Variants in ZFHX3 observed in about 807,000 individuals in gnomAD.
ZFHX3 encodes zinc finger homeobox 3.
In ZFHX3, 42 loss-of-function variants were observed where a neutral mutation model predicts 279.1. The observed-to-expected ratio is 0.15, with a 90% confidence interval of 0.12 to 0.19. ZFHX3 has a LOEUF of 0.19. Ranked by LOEUF, ZFHX3 falls within the 10% of genes least tolerant of loss-of-function variation. The pLI, the probability that ZFHX3 is intolerant of heterozygous loss-of-function variation, is 1.00. For missense variants in ZFHX3, 4,981 were observed against 4,754.0 expected (o/e 1.05, Z -1.40); for synonymous variants, 2,293 against 1,957.8 (o/e 1.17, Z -4.52).
At position 72,795,395 on chromosome 16, in the gene ZFHX3, T is replaced by A; in HGVS notation, c.7287A>T (p.Lys2429Asn). 1 of 1,614,162 alleles carries A rather than the reference T, an allele frequency of 6.2e-7. No homozygotes were observed. The highest frequency in any genetic ancestry group is 8.5e-7 in the Non-Finnish European group (1 of 1,180,038). Residue 2429 changes from lysine (K) to asparagine (N), a missense_variant, in exon 9 of 10, where the codon AAA becomes AAT. This residue lies in a region of ZFHX3 where 744 missense variants were observed against 701.3 expected (regional missense o/e 1.06). Coordinates refer to ENST00000268489, the MANE Select transcript of ZFHX3 (RefSeq NM_006885.4). ...FNSKTEAGDE[K>N]PKLAEAPSAQ... The stretch of plus-strand genomic sequence containing the variant: ...CACTGGGAGCTTCCGCCAGCTTTGG[T>A]TTCTCATCGCCTGCCTCTGTTTTTG...
chr16:73,730,015 C>T (rs9930624), intron 1 of ZFHX3, among the ~76,000 whole-genome samples: 9,082 of 152,016 alleles, frequency 0.06, 353 homozygotes, highest in African/African-American at 0.1. Flanking sequence ...GTATGGAAGC[C>T]CTTTCAAGAC....
chr16:72,887,573 C>T lies in ZFHX3; in HGVS notation c.3448+2158G>A, dbSNP rs1365867817. Among the ~76,000 whole-genome samples the T allele has an allele frequency of 2.0e-5, 3 of 148,608 alleles. No homozygotes were observed. The East Asian group carries it at 5.9e-4, about 29-fold the overall frequency. On this transcript the variant is annotated intron_variant, in intron 4 of 9. Coordinates refer to ENST00000268489, the MANE Select transcript of ZFHX3 (RefSeq NM_006885.4). ...GTTGTGTGGGGGGTGCAGGAGTGTG[C>T]GGGGCAGTGCCTGTGTATTTGTGGG...
intron 7 of ZFHX3, among the ~76,000 whole-genome samples, chr16:73,121,302 T>C (rs1555499545): frequency 6.6e-6 from 1 of 152,220 alleles, no homozygotes; most frequent in Non-Finnish European, 1.5e-5. Context: ...TAATATCTCA[T>C]TAATAATTTT....
chr16:73,123,621 T>C (rs1490022824), intron 7 of ZFHX3: 3 of 152,002 alleles, frequency 2.0e-5, no homozygotes, highest in Admixed American at 2.0e-4. Context: ...GGTGAGCTAA[T>C]TAACAATTGT....
chr16:73,376,556 C>T (rs947681160), intron 3 of ZFHX3, among the ~76,000 whole-genome samples: 4 of 152,164 alleles, frequency 2.6e-5, no homozygotes, highest in African/African-American at 9.7e-5. Context: ...GGGACTTTTT[C>T]ATGTTTGTTG....
chr16:72,859,929 C>T (rs539711658), intron 4 of ZFHX3, among the ~76,000 whole-genome samples: 1 of 152,172 alleles, frequency 6.6e-6, no homozygotes, highest in African/African-American at 2.4e-5. Context: ...GGCTAGTTTA[C>T]AGAAATGGAA....
intron 4 of ZFHX3, among the ~76,000 whole-genome samples, chr16:72,874,879 C>A (rs1176689801): frequency 6.6e-6 from 1 of 151,918 alleles, no homozygotes; most frequent in African/African-American, 2.4e-5. Context: ...TTTTTTCCCC[C>A]ACCTTCTGCT....
chr16:73,459,050 G>C (rs752535277), intron 2 of ZFHX3, among the ~76,000 whole-genome samples: 5 of 152,106 alleles, frequency 3.3e-5, no homozygotes, highest in South Asian at 2.1e-4. Context: ...TCAGTAAGAT[G>C]GGCAATAGCA....
At chr16:72,814,732 T>G (rs1402362285) in intron 5 of ZFHX3, among the ~76,000 whole-genome samples, 2 of 152,234 alleles carry the variant, frequency 1.3e-5, no homozygotes, top group African/African-American at 4.8e-5. Context: ...TCACTCATTT[T>G]TCTTTCTTCC....
At chr16:73,592,371 G>C (rs1341096354) in intron 2 of ZFHX3, among the ~76,000 whole-genome samples, 2 of 152,084 alleles carry the variant, frequency 1.3e-5, no homozygotes, top group Non-Finnish European at 2.9e-5. Context: ...AAGGGGGTGG[G>C]ATGTGGAAGA....
chr16:73,223,841 C>T (rs1046826677), intron 5 of ZFHX3, among the ~76,000 whole-genome samples: 3 of 152,148 alleles, frequency 2.0e-5, no homozygotes, highest in African/African-American at 7.2e-5. Flanking sequence ...CCATGGTACA[C>T]CCAGACAATG....
chr16:73,263,558 T>C (rs1196889176), intron 4 of ZFHX3, among the ~76,000 whole-genome samples: 2 of 152,134 alleles, frequency 1.3e-5, no homozygotes, highest in African/African-American at 4.8e-5. Flanking sequence ...TGTTGCCTGG[T>C]CCATGTCCCT....
At chr16:73,517,885 T>A (rs2019549930) in intron 2 of ZFHX3, among the ~76,000 whole-genome samples, 1 of 152,222 alleles carries the variant, frequency 6.6e-6, no homozygotes, top group African/African-American at 2.4e-5. Context: ...ATTTTAAGTT[T>A]TCTAGTAGCC....
chr16:73,133,444 ACT>A (rs895935613), intron 6 of ZFHX3, among the ~76,000 whole-genome samples: 15 of 151,282 alleles, frequency 9.9e-5, no homozygotes, highest in Non-Finnish European at 2.2e-4. Context: ...ATTACTTGAG[ACT>A]CTGTCTCAAA....
chr16:73,158,617 C>T (rs867135584), intron 5 of ZFHX3, among the ~76,000 whole-genome samples: 23 of 152,134 alleles, frequency 1.5e-4, no homozygotes, highest in African/African-American at 4.1e-4. Context: ...TTGAGTACAT[C>T]GTTGCCACTC....
In ZFHX3 at chr16:72,950,895, C is replaced by G; in HGVS notation, c.2790G>C (p.Leu930=). ...CGTTGGTCTGGATGAAGCTCTCGCC[C>G]AGGTTCATCAGCTCCTCTGACACCA... ...GQLVSEELMN[L]GESFIQTNDP... Residue 930 remains leucine (L), a synonymous_variant, in exon 3 of 10, where the codon CTG becomes CTC. Coordinates refer to ENST00000268489, the MANE Select transcript of ZFHX3 (RefSeq NM_006885.4). 1 of 1,614,044 alleles carries G rather than the reference C, an allele frequency of 6.2e-7. No individual in the cohort carries two copies. The highest frequency in any genetic ancestry group is 8.5e-7 in the Non-Finnish European group (1 of 1,180,044).
intron 3 of ZFHX3, among the ~76,000 whole-genome samples, chr16:73,442,894 T>A (rs2018118920): frequency 6.6e-6 from 1 of 152,206 alleles, no homozygotes; most frequent in Non-Finnish European, 1.5e-5. Flanking sequence ...TACAGACATG[T>A]GCCACCTAAC....
At chr16:73,571,806 T>G (rs1216914519) in intron 2 of ZFHX3, among the ~76,000 whole-genome samples, 1 of 152,136 alleles carries the variant, frequency 6.6e-6, no homozygotes, top group East Asian at 1.9e-4. Context: ...TTGGTTGTCG[T>G]GAAAGGGGTG....
At chr16:73,220,276 G>C (rs1475799843) in intron 5 of ZFHX3, among the ~76,000 whole-genome samples, 1 of 152,048 alleles carries the variant, frequency 6.6e-6, no homozygotes, top group East Asian at 1.9e-4. Flanking sequence ...GGGATCCATT[G>C]TATCCCAAGC....
Sources: gnomAD v4.1 joint callset for allele counts (sites outside exome capture counted in the v4.1 genomes callset) on GRCh38, gnomAD v4.1.1 for gene constraint, gnomAD v4.1.1 regional missense constraint, MANE v1.5 for transcripts, NCBI Gene and HGNC (gene_info 2026-07-23, HGNC 2026-07-21) for gene names.